The following MDGA2 variants were observed in gnomAD, a reference collection of about 807,000 sequenced individuals.
MDGA2 encodes the protein MAM domain-containing glycosylphosphatidylinositol anchor protein 2.
Under a neutral mutation model 117.8 loss-of-function variants are expected in MDGA2, and 40 were observed. That is an observed-to-expected ratio of 0.34 (90% CI 0.26 to 0.44). MDGA2 has a LOEUF of 0.44. MDGA2 is among the 20% of genes least tolerant of loss of function. The pLI is 1.00. For synonymous variants in MDGA2, 452 were observed against 439.0 expected, an observed-to-expected ratio of 1.03 and a Z score of -0.37; for missense variants, 1,123 against 1,250.6, an observed-to-expected ratio of 0.90 and a Z score of 1.54.
At chr14:46,860,375 T>A (rs1393448987) in intron 14 of MDGA2, among the ~76,000 whole-genome samples, 1 of 152,074 alleles carries the variant, frequency 6.6e-6, no homozygotes, top group East Asian at 1.9e-4. Flanking sequence ...ATGCATTCCA[T>A]AATGTTGAAC....
intron 5 of MDGA2, among the ~76,000 whole-genome samples, chr14:47,116,945 G>GA (rs144122477): frequency 0.11 from 16,748 of 148,830 alleles, 1,051 homozygotes; most frequent in Admixed American, 0.11. Context: ...GTTCTGCACA[G>GA]AAAAAAAAAT....
At chr14:47,515,307 T>C (rs1894727896) in intron 1 of MDGA2, among the ~76,000 whole-genome samples, 1 of 152,164 alleles carries the variant, frequency 6.6e-6, no homozygotes, top group South Asian at 2.1e-4. Flanking sequence ...GTAATGCTGC[T>C]GGACTCTCCA....
chr14:47,658,320 G>A (rs139801228), intron 1 of MDGA2, among the ~76,000 whole-genome samples: 6 of 152,206 alleles, frequency 3.9e-5, no homozygotes, highest in South Asian at 2.1e-4. Flanking sequence ...GTAGGAAACC[G>A]ATAAATCCAT....
intron 7 of MDGA2, among the ~76,000 whole-genome samples, chr14:47,053,639 ATATATATATATATATAC>A (rs1889546779): frequency 2.7e-5 from 2 of 75,262 alleles, no homozygotes; most frequent in Admixed American, 1.4e-4. Flanking sequence ...ATATATATAT[ATATATATATATATATAC>A]ACACACACAC....
chr14:46,902,471 T>C (rs894214863), intron 10 of MDGA2, among the ~76,000 whole-genome samples: 15 of 152,190 alleles, frequency 9.9e-5, no homozygotes, highest in African/African-American at 3.1e-4. Flanking sequence ...CAGCATATAT[T>C]TGAATACATA....
At chr14:47,555,315 A>G (rs1681655243) in intron 1 of MDGA2, among the ~76,000 whole-genome samples, 1 of 152,164 alleles carries the variant, frequency 6.6e-6, no homozygotes, top group African/African-American at 2.4e-5. Context: ...TCTCATTCTT[A>G]TAAGAACTGA....
intron 5 of MDGA2, among the ~76,000 whole-genome samples, chr14:47,110,294 T>C (rs1041683293): frequency 3.9e-5 from 6 of 152,148 alleles, no homozygotes; most frequent in Non-Finnish European, 8.8e-5. Flanking sequence ...AAATAAAGGC[T>C]ACGTGGCTTT....
At chr14:47,020,835 T>C (rs1888259764) in intron 8 of MDGA2, among the ~76,000 whole-genome samples, 1 of 151,528 alleles carries the variant, frequency 6.6e-6, no homozygotes, top group Admixed American at 6.6e-5. Flanking sequence ...AATGAACTAA[T>C]ACATGTAAAA....
intron 1 of MDGA2, among the ~76,000 whole-genome samples, chr14:47,466,905 C>G (rs1039365512): frequency 2.6e-5 from 4 of 151,814 alleles, no homozygotes; most frequent in African/African-American, 9.7e-5. Context: ...TGCACTTTAC[C>G]GGGCACAATG....
intron 1 of MDGA2, among the ~76,000 whole-genome samples, chr14:47,436,542 C>A (rs1017413479): frequency 2.0e-5 from 3 of 152,022 alleles, no homozygotes; most frequent in Admixed American, 6.6e-5. Context: ...CAACATATTT[C>A]TTTATAATAC....
At chr14:46,882,955 T>A (rs1025205043) in intron 10 of MDGA2, among the ~76,000 whole-genome samples, 1 of 151,900 alleles carries the variant, frequency 6.6e-6, no homozygotes, top group Non-Finnish European at 1.5e-5. Flanking sequence ...AGTGTGATTG[T>A]AATATGTTAA....
intron 1 of MDGA2, among the ~76,000 whole-genome samples, chr14:47,485,286 G>A (rs1894036913): frequency 6.6e-6 from 1 of 152,138 alleles, no homozygotes; most frequent in African/African-American, 2.4e-5. Context: ...AAAGAGACTG[G>A]TTGCATTTTG....
At position 47,674,187 on chromosome 14, in the gene MDGA2, A is replaced by G. The variant is rs547970889; in HGVS notation, c.280+330T>C. Among the ~76,000 whole-genome samples the G allele has an allele frequency of 1.7e-3, 261 of 152,262 alleles. 3 individuals are homozygous for G. Among genetic ancestry groups the G allele is most frequent in the African/African-American group, 5.6e-3 (231 of 41,554 alleles). On this transcript the variant is annotated intron_variant, in intron 1 of 16. Coordinates refer to ENST00000399232, the MANE Select transcript of MDGA2 (RefSeq NM_001113498.3). ...GAAACCGTGACACCGACACCGTGGC[A>G]TGCAAGGAGCCAAACCATTATTAAA...
At chr14:47,317,656 A>G (rs186093554) in intron 1 of MDGA2, among the ~76,000 whole-genome samples, 201 of 152,202 alleles carry the variant, frequency 1.3e-3, no homozygotes, top group African/African-American at 4.5e-3. Context: ...GAGAGGACCT[A>G]GGGCTCATCC....
intron 1 of MDGA2, among the ~76,000 whole-genome samples, chr14:47,635,774 C>A (rs1308270200): frequency 6.6e-6 from 1 of 152,120 alleles, no homozygotes; most frequent in Non-Finnish European, 1.5e-5. Flanking sequence ...CTTTCAGGAA[C>A]AATAATGCTG....
intron 1 of MDGA2, among the ~76,000 whole-genome samples, chr14:47,561,171 GTTT>G (rs1895804944): frequency 8.8e-5 from 6 of 68,494 alleles, no homozygotes; most frequent in African/African-American, 3.2e-4. Context: ...TTGTTTTTTT[GTTT>G]GTTTGTTTTT....
intron 1 of MDGA2, among the ~76,000 whole-genome samples, chr14:47,554,548 T>G (rs10220591): frequency 0.11 from 16,709 of 152,196 alleles, 1,031 homozygotes; most frequent in Middle Eastern, 0.15. Flanking sequence ...TACTAGTACA[T>G]TTTTTAATAA....
At chr14:47,105,004 C>T (rs948352998) in intron 5 of MDGA2, among the ~76,000 whole-genome samples, 1 of 152,168 alleles carries the variant, frequency 6.6e-6, no homozygotes, top group Non-Finnish European at 1.5e-5. Context: ...AACTCCGGCA[C>T]CGGTCACGGA....
chr14:47,535,591 G>A (rs1895194111), intron 1 of MDGA2, among the ~76,000 whole-genome samples: 1 of 152,164 alleles, frequency 6.6e-6, no homozygotes, highest in African/African-American at 2.4e-5. Context: ...GGGAAGGAGT[G>A]CATTTCAATA....
Sources: allele counts gnomAD v4.1 joint callset (sites outside exome capture counted in the v4.1 genomes callset), GRCh38; gene constraint gnomAD v4.1.1; transcripts MANE v1.5; gene names NCBI Gene and HGNC (gene_info 2026-07-23, HGNC 2026-07-21).